The following FNDC4 variants were observed in gnomAD, a reference collection of about 807,000 sequenced individuals.
FNDC4 encodes fibronectin type III domain containing 4.
FNDC4 carries 11 observed loss-of-function variants against 25.1 expected under a neutral mutation model. That is an observed-to-expected ratio of 0.44 (90% confidence interval 0.28 to 0.73). The LOEUF is 0.73. Ranked by LOEUF, FNDC4 falls within the 30% of genes least tolerant of loss-of-function variation. FNDC4 has a pLI of 0.16. For synonymous variants in FNDC4, 136 were observed against 118.8 expected (o/e 1.14, Z -0.94); for missense variants, 250 against 304.3 (o/e 0.82, Z 1.33).
Position 27,492,337 on chromosome 2 carries a change from G to A in FNDC4, c.*106C>T. 7.4e-7 allele frequency: 1 copy of A among 1,357,162 alleles called. No individual in the cohort carries two copies. The highest frequency in any genetic ancestry group is 1.1e-6 in the Non-Finnish European group (1 of 946,974). 84.1% of individuals were successfully genotyped at this position (1,357,162 alleles called of 1,614,324 possible). On this transcript the variant is annotated 3_prime_UTR_variant, in exon 7 of 7. Transcript: ENST00000264703. The surrounding 1 kb of genome is among the most constrained non-coding windows in gnomAD (Gnocchi z 4.1). ...TACCAGGCCTGAGATTGTGGGAGTG[G>A]CATTACCCTCTGGGAGTCTCGGGCA...
Position 27,492,189 on chromosome 2 carries a change from G to C in FNDC4, c.*254C>G. On this transcript the variant is annotated 3_prime_UTR_variant, in exon 7 of 7. Coordinates refer to ENST00000264703, the MANE Select transcript of FNDC4 (RefSeq NM_022823.3). The surrounding 1 kb of genome is among the most constrained non-coding windows in gnomAD (Gnocchi z 4.1). Reference sequence around the variant, plus strand: ...CCTAATGGAGTAGGGTACAACTAGTGACTCTCCCCTGGACCGGGGAATGGA... The same window carrying C: ...CCTAATGGAGTAGGGTACAACTAGTCACTCTCCCCTGGACCGGGGAATGGA... The C allele has an allele frequency of 1.8e-6, 1 of 568,078 alleles. No homozygotes were observed. The highest frequency in any genetic ancestry group is 3.1e-6 in the Non-Finnish European group (1 of 317,514). The allele number at this position is 568,078 out of a possible 1,614,324, so 35.2% of individuals were successfully genotyped here.
At position 27,492,930 on chromosome 2, in the gene FNDC4, C is replaced by T; in HGVS notation, c.545-140G>A. On this transcript the variant is annotated intron_variant, in intron 5 of 6. Transcript: ENST00000264703. This position sits in a 1 kb window ranked among gnomAD's most constrained non-coding sequence, Gnocchi z 4.1. ...TCCTCCTCTCTGGGCTCTCAACAGC[C>T]TCCTCTCCCTCTCTTCAAAGTTCAA... 2.5e-6 allele frequency: 2 copies of T among 801,478 alleles called. 1 individual carries two copies. Among genetic ancestry groups the T allele is most frequent in the South Asian group, 3.2e-5 (2 of 61,684 alleles). The allele number at this position is 801,478 out of a possible 1,614,324, so 49.6% of individuals were successfully genotyped here.
rs1438007451 is a variant in FNDC4 at position 27,494,641 on chromosome 2, G to A, written c.39C>T (p.Leu13=). The change falls in exon 2 of 7, where the codon CTC becomes CTT. Residue 13 remains leucine (L), a synonymous_variant. Transcript: ENST00000264703. The surrounding 1 kb of genome is among the most constrained non-coding windows in gnomAD (Gnocchi z 4.6). ...GCACCAGCGAAGCCATGTCCCCACG[G>A]AGTCCGCTGGGGGGGGAACTGTGGC... ...SGCHSSPPSG[L]RGDMASLVPL... 6.3e-7 allele frequency: 1 copy of A among 1,596,190 alleles called. No homozygotes were observed. Among genetic ancestry groups the A allele is most frequent in the South Asian group, 1.1e-5 (1 of 88,968 alleles).
At chr2:27,493,315 C>A (rs1669303975) in intron 5 of FNDC4, 74 bp downstream of exon 5, 2 of 1,256,286 alleles carry the variant, frequency 1.6e-6, no homozygotes, top group South Asian at 1.2e-5. Flanking sequence ...TCTCTCACTT[C>A]TTTTTCTCCT....
chr2:27,492,473 C>T lies in FNDC4; in HGVS notation c.675G>A (p.Lys225=), dbSNP rs781513400. The T allele has an allele frequency of 3.1e-6, 5 of 1,614,096 alleles. No individual in the cohort carries two copies. The highest frequency in any genetic ancestry group is 3.3e-4 in the Middle Eastern group (2 of 6,062). ...QGRPVGTRQK[K]SPSINTIDV is the part of the protein sequence containing the mutation. Reference sequence around the variant, plus strand: ...CGTCGATGGTGTTGATAGATGGTGACTTTTTCTGTGAAAGAAAATGGCCTG... The same window carrying T: ...CGTCGATGGTGTTGATAGATGGTGATTTTTTCTGTGAAAGAAAATGGCCTG... The change falls in exon 7 of 7, where the codon AAG becomes AAA. Residue 225 remains lysine (K), a synonymous_variant. Coordinates refer to ENST00000264703, the MANE Select transcript of FNDC4 (RefSeq NM_022823.3). The surrounding 1 kb of genome is among the most constrained non-coding windows in gnomAD (Gnocchi z 4.1).
chr2:27,492,919 C>T lies in FNDC4; in HGVS notation c.545-129G>A. The T allele has an allele frequency of 1.1e-6, 1 of 943,146 alleles. No individual in the cohort carries two copies. Among genetic ancestry groups the T allele is most frequent in the Non-Finnish European group, 1.6e-6 (1 of 612,444 alleles). The allele number at this position is 943,146 out of a possible 1,614,324, so 58.4% of individuals were successfully genotyped here. A position where few individuals can be genotyped will look rare whatever the true frequency, so the allele number is the denominator to read the frequency against. On this transcript the variant is annotated intron_variant, in intron 5 of 6. Coordinates refer to ENST00000264703, the MANE Select transcript of FNDC4 (RefSeq NM_022823.3). This position sits in a 1 kb window ranked among gnomAD's most constrained non-coding sequence, Gnocchi z 4.1. ...TGCCCATGCAGTCCTCCTCTCTGGG[C>T]TCTCAACAGCCTCCTCTCCCTCTCT... is the stretch of plus-strand genomic sequence containing the variant.
intron 4 of FNDC4, 49 bp from the exon 5 acceptor site, chr2:27,493,527 A>G (rs1468697456): frequency 7.5e-7 from 1 of 1,338,180 alleles, no homozygotes; most frequent in Non-Finnish European, 1.1e-6. Context: ...TGGGGTCCAT[A>G]CTGCAGACAT....
At position 27,495,181 on chromosome 2, in the gene FNDC4, A is replaced by G. The variant is rs1416219933; in HGVS notation, c.-328T>C. 1 of 151,510 alleles carries G rather than the reference A, an allele frequency of 6.6e-6. No individual in the cohort carries two copies. The highest frequency in any genetic ancestry group is 2.4e-5 in the African/African-American group (1 of 41,256). 9.4% of individuals were successfully genotyped at this position (151,510 alleles called of 1,614,324 possible). A position where few individuals can be genotyped will look rare whatever the true frequency, so the allele number is the denominator to read the frequency against. On this transcript the variant is annotated 5_prime_UTR_variant, in exon 1 of 7. Transcript: ENST00000264703. Reference sequence around the variant, plus strand: ...GCAGCGGGATGTGACCGTCCCGGAGAGCCAGCCGCCGCCTTCTGCAGCGCT... The same window carrying G: ...GCAGCGGGATGTGACCGTCCCGGAGGGCCAGCCGCCGCCTTCTGCAGCGCT...
rs1415161426 is a variant in FNDC4 at position 27,494,236 on chromosome 2, G to A, written c.250-102C>T. ...CATCCAAGCACTCCGGGGGAGTAGC[G>A]TGAAAAGGGCAGCCTGAGCCAGGAT... On this transcript the variant is annotated intron_variant, in intron 3 of 6. Transcript: ENST00000264703. This position sits in a 1 kb window ranked among gnomAD's most constrained non-coding sequence, Gnocchi z 4.6. 4.8e-5 allele frequency: 67 copies of A among 1,406,066 alleles called. No individual in the cohort carries two copies. Among genetic ancestry groups the A allele is most frequent in the Non-Finnish European group, 6.5e-5 (65 of 1,007,600 alleles). 87.1% of individuals were successfully genotyped at this position (1,406,066 alleles called of 1,614,324 possible).
rs1669275674 is a variant in FNDC4 at position 27,492,302 on chromosome 2, AGAG to A, written c.*138_*140del. ...CCTTCTGGCTCTGCTCACAGTGGAA[AGAG>A]GATGGGTACCAGGCCTGAGATTGTG... is the stretch of plus-strand genomic sequence containing the variant. On this transcript the variant is annotated 3_prime_UTR_variant, in exon 7 of 7. Transcript: ENST00000264703. The surrounding 1 kb of genome is among the most constrained non-coding windows in gnomAD (Gnocchi z 4.1). 1.9e-6 allele frequency: 2 copies of A among 1,029,712 alleles called. No individual in the cohort carries two copies. Among genetic ancestry groups the A allele is most frequent in the African/African-American group, 1.6e-5 (1 of 63,430 alleles). The allele number at this position is 1,029,712 out of a possible 1,614,324, so 63.8% of individuals were successfully genotyped here.
In FNDC4 at chr2:27,494,019, C is replaced by CCGG; in HGVS notation, c.364_365insCCG (p.Ile121_Gly122insAla). On this transcript the variant is annotated inframe_insertion, in exon 4 of 7. Coordinates refer to ENST00000264703, the MANE Select transcript of FNDC4 (RefSeq NM_022823.3). The surrounding 1 kb of genome is among the most constrained non-coding windows in gnomAD (Gnocchi z 4.6). Reference sequence around the variant, plus strand: ...CCCTGGGGGACTCTCTCCCCGAAGGCCGATGCTCCTGACCTGCACTGTGTA... The same window carrying CCGG: ...CCCTGGGGGACTCTCTCCCCGAAGGCCGGCGATGCTCCTGACCTGCACTGTGTA... 1 of 1,614,218 alleles carries CCGG rather than the reference C, an allele frequency of 6.2e-7. No individual in the cohort carries two copies. Among genetic ancestry groups the CCGG allele is most frequent in the Non-Finnish European group, 8.5e-7 (1 of 1,180,020 alleles).
At chr2:27,493,544 T>A (rs921833828) in intron 4 of FNDC4, 66 bp from the exon 5 acceptor site, 1 of 1,212,634 alleles carries the variant, frequency 8.2e-7, no homozygotes. Context: ...ACATGCAGGA[T>A]GGAGATGCTG....
rs1361718188 is a variant in FNDC4 at position 27,494,185 on chromosome 2, A to C, written c.250-51T>G. 2 of 1,557,676 alleles carry C rather than the reference A, an allele frequency of 1.3e-6. No individual in the cohort carries two copies. The highest frequency in any genetic ancestry group is 2.3e-5 in the South Asian group (2 of 88,358). On this transcript the variant is annotated intron_variant, in intron 3 of 6. Coordinates refer to ENST00000264703, the MANE Select transcript of FNDC4 (RefSeq NM_022823.3). This position sits in a 1 kb window ranked among gnomAD's most constrained non-coding sequence, Gnocchi z 4.6. ...GACAGCCTCACCCCAGTGCCAGGCC[A>C]CAAGGCTCAACCAGAGACTCTTCAA...
Position 27,494,303 on chromosome 2 carries a change from G to T in FNDC4, c.249+48C>A. On this transcript the variant is annotated intron_variant, in intron 3 of 6. Transcript: ENST00000264703. This position sits in a 1 kb window ranked among gnomAD's most constrained non-coding sequence, Gnocchi z 4.6. ...CCCCCCCACTTAAGTGAAGAAATGTGCCGAAATCCAAGGACACAGGTTGGG... is the reference window on the plus strand; with the variant it reads ...CCCCCCCACTTAAGTGAAGAAATGTTCCGAAATCCAAGGACACAGGTTGGG... 2 of 1,527,884 alleles carry T rather than the reference G, an allele frequency of 1.3e-6. No individual in the cohort carries two copies. The highest frequency in any genetic ancestry group is 2.3e-5 in the South Asian group (2 of 88,644). 94.6% of individuals were successfully genotyped at this position (1,527,884 alleles called of 1,614,324 possible).
chr2:27,494,118 C>G lies in FNDC4; in HGVS notation c.266G>C (p.Gly89Ala). ...SISQQRQNGP[G>A]QRVIREVNTT... ...GTTCACCTCCCGAATCACACGCTGC[C>G]CGGGGCCATTCTGCCGCTGCAGGGA... is the stretch of plus-strand genomic sequence containing the variant. Residue 89 changes from glycine (G) to alanine (A), a missense_variant, in exon 4 of 7, where the codon GGG becomes GCG. Coordinates refer to ENST00000264703, the MANE Select transcript of FNDC4 (RefSeq NM_022823.3). The surrounding 1 kb of genome is among the most constrained non-coding windows in gnomAD (Gnocchi z 4.6). 1 of 1,614,022 alleles carries G rather than the reference C, an allele frequency of 6.2e-7. No individual in the cohort carries two copies. Among genetic ancestry groups the G allele is most frequent in the Non-Finnish European group, 8.5e-7 (1 of 1,180,010 alleles).
Position 27,494,395 on chromosome 2 carries a change from C to G in FNDC4, c.205G>C (p.Val69Leu). 6.2e-7 allele frequency: 1 copy of G among 1,614,162 alleles called. No homozygotes were observed. Among genetic ancestry groups the G allele is most frequent in the Non-Finnish European group, 8.5e-7 (1 of 1,179,994 alleles). The change falls in exon 3 of 7, where the codon GTC (valine) becomes CTC (leucine). Residue 69 changes from valine (V) to leucine (L), a missense_variant. Transcript: ENST00000264703. The surrounding 1 kb of genome is among the most constrained non-coding windows in gnomAD (Gnocchi z 4.6). Reference sequence around the variant, plus strand: ...CCAATGACGATGTTGCCTTCTGGGACGTCCCAGGACACAGTGGCCGAGTTG... The same window carrying G: ...CCAATGACGATGTTGCCTTCTGGGAGGTCCCAGGACACAGTGGCCGAGTTG... The part of the protein sequence containing the change: ...RANSATVSWD[V>L]PEGNIVIGYS...
chr2:27,493,006 T>C (rs1055222459), intron 5 of FNDC4, among the ~76,000 whole-genome samples: 1 of 44,006 alleles, frequency 2.3e-5, no homozygotes. Context: ...TTTCTCTTAC[T>C]TTTTTTTTTT....
rs755250931 is a variant in FNDC4 at position 27,492,696 on chromosome 2, A to G, written c.639T>C (p.Ser213=). The G allele has an allele frequency of 6.2e-7, 1 of 1,613,622 alleles. No homozygotes were observed. The highest frequency in any genetic ancestry group is 8.5e-7 in the Non-Finnish European group (1 of 1,179,928). ...PKEKGKGPEQ[S]PQGRPVGTRQ... Reference sequence around the variant, plus strand: ...TTGTCCCCACTGGCCTTCCCTGAGGACTCTGTTCCGGCCCCTTTCCCTTCT... The same window carrying G: ...TTGTCCCCACTGGCCTTCCCTGAGGGCTCTGTTCCGGCCCCTTTCCCTTCT... Residue 213 remains serine, a synonymous_variant, in exon 6 of 7, where the codon AGT becomes AGC. Coordinates refer to ENST00000264703, the MANE Select transcript of FNDC4 (RefSeq NM_022823.3). This position sits in a 1 kb window ranked among gnomAD's most constrained non-coding sequence, Gnocchi z 4.1.
chr2:27,492,326 T>C lies in FNDC4; in HGVS notation c.*117A>G, dbSNP rs886389946. The C allele has an allele frequency of 6.4e-6, 8 of 1,254,096 alleles. No homozygotes were observed. The highest frequency in any genetic ancestry group is 3.0e-5 in the African/African-American group (2 of 67,784). The allele number at this position is 1,254,096 out of a possible 1,614,324, so 77.7% of individuals were successfully genotyped here. ...AAGAGGATGGGTACCAGGCCTGAGA[T>C]TGTGGGAGTGGCATTACCCTCTGGG... On this transcript the variant is annotated 3_prime_UTR_variant, in exon 7 of 7. Transcript: ENST00000264703. This position sits in a 1 kb window ranked among gnomAD's most constrained non-coding sequence, Gnocchi z 4.1.
Sources: allele counts gnomAD v4.1 joint callset (sites outside exome capture counted in the v4.1 genomes callset), GRCh38; gene constraint gnomAD v4.1.1; non-coding constraint Gnocchi (gnomAD v3.1); transcripts MANE v1.5; gene names NCBI Gene and HGNC (gene_info 2026-07-23, HGNC 2026-07-21).